ATIC: variants seen among roughly 807,000 people sequenced by gnomAD.
The protein encoded by ATIC is bifunctional purine biosynthesis protein ATIC.
In ATIC, 64 loss-of-function variants were observed where a neutral mutation model predicts 72.5. That is an observed-to-expected ratio of 0.88 (90% CI 0.72 to 1.09). The LOEUF (loss-of-function observed/expected upper bound fraction) is 1.09. Among genes scored for constraint, ATIC ranks in the 50% least tolerant of loss-of-function variants. The pLI is 0.00. For missense variants in ATIC, 787 were observed against 732.4 expected, an observed-to-expected ratio of 1.07 and a Z score of -0.86; for synonymous variants, 281 against 267.1, an observed-to-expected ratio of 1.05 and a Z score of -0.51.
chr2:215,333,518 T>G, intron 9 of ATIC, 61 bp downstream of exon 9: 1 of 1,373,980 alleles, frequency 7.3e-7, no homozygotes, highest in Non-Finnish European at 1.0e-6. Flanking sequence ...TTATCCTAAA[T>G]AGAATAAAGA....
chr2:215,343,034 G>T (rs1024746690), intron 12 of ATIC, among the ~76,000 whole-genome samples: 2 of 152,176 alleles, frequency 1.3e-5, no homozygotes, highest in African/African-American at 4.8e-5. Flanking sequence ...GTAGTTGCAT[G>T]TTTAGTTTAC....
intron 5 of ATIC, among the ~76,000 whole-genome samples, chr2:215,325,750 G>C (rs1257160018): frequency 6.6e-6 from 1 of 151,878 alleles, no homozygotes; most frequent in African/African-American, 2.4e-5. Context: ...ATTTTTTATA[G>C]AGATGGAATT....
chr2:215,349,026 T>C, intron 14 of ATIC, 68 bp from the exon 15 acceptor site: 1 of 1,524,610 alleles, frequency 6.6e-7, no homozygotes, highest in East Asian at 2.3e-5. Flanking sequence ...TCTGGCATGG[T>C]GATTTGCACC....
intron 2 of ATIC, among the ~76,000 whole-genome samples, chr2:215,315,836 T>A (rs11903294): frequency 0.26 from 39,270 of 150,846 alleles, 6,012 homozygotes; most frequent in South Asian, 0.47. Flanking sequence ...GCACCTGTAA[T>A]CCCAGCTACT....
chr2:215,333,369 A>G lies in ATIC; in HGVS notation c.834A>G (p.Pro278=), dbSNP rs2052916574. 1 of 1,614,060 alleles carries G rather than the reference A, an allele frequency of 6.2e-7. No individual in the cohort carries two copies. The highest frequency in any genetic ancestry group is 1.3e-5 in the African/African-American group (1 of 74,998). Residue 278 remains proline, a synonymous_variant, in exon 9 of 16, where the codon CCA becomes CCG. Coordinates refer to ENST00000236959, the MANE Select transcript of ATIC (RefSeq NM_004044.7). ...VSPAGAAVGI[P]LSEDEAKVCM... is the part of the protein sequence containing the mutation. Reference sequence around the variant, plus strand: ...AACCAGGTGCTGCTGTTGGAATTCCACTCAGTGAAGATGAGGCCAAAGTCT... The same window carrying G: ...AACCAGGTGCTGCTGTTGGAATTCCGCTCAGTGAAGATGAGGCCAAAGTCT...
At chr2:215,343,482 A>G (rs963092041) in intron 12 of ATIC, among the ~76,000 whole-genome samples, 7 of 152,024 alleles carry the variant, frequency 4.6e-5, no homozygotes, top group Non-Finnish European at 8.8e-5. Flanking sequence ...GATTACAGGA[A>G]TGCGCCACCA....
At chr2:215,328,664 T>C (rs80349241) in intron 7 of ATIC, among the ~76,000 whole-genome samples, 2,232 of 152,076 alleles carry the variant, frequency 0.015, 50 homozygotes, top group African/African-American at 0.05. Context: ...TTTTGCTGCA[T>C]GTGTTTCTAT....
the ATIC span, among the ~76,000 whole-genome samples, chr2:215,355,022 G>A: frequency 6.6e-6 from 1 of 152,046 alleles, no homozygotes; most frequent in African/African-American, 2.4e-5. Context: ...GTTTAGGGCT[G>A]TCAACAGCTC....
In ATIC at chr2:215,346,956, A is replaced by G; in HGVS notation, c.1503+15A>G. ...CCATTGGCGAGGTGAAAGACTTGGC[A>G]TTGGGTTCTCGGCTGTGTTAATATT... On this transcript the variant is annotated intron_variant, in intron 14 of 15. Transcript: ENST00000236959. The G allele has an allele frequency of 6.2e-7, 1 of 1,614,066 alleles. No homozygotes were observed. Among genetic ancestry groups the G allele is most frequent in the Non-Finnish European group, 8.5e-7 (1 of 1,179,906 alleles).
the ATIC span, chr2:215,362,124 T>C: frequency 1.4e-6 from 2 of 1,411,528 alleles, no homozygotes; most frequent in African/African-American, 1.4e-5. Flanking sequence ...TATGATAACC[T>C]GAGGACATCG....
chr2:215,332,210 C>T (rs1000458425), intron 7 of ATIC, among the ~76,000 whole-genome samples, 172 bp from the exon 8 acceptor site: 1 of 151,012 alleles, frequency 6.6e-6, no homozygotes, highest in Non-Finnish European at 1.5e-5. Context: ...AAGATGGGCT[C>T]AGGCTCAGTT....
intron 6 of ATIC, among the ~76,000 whole-genome samples, chr2:215,326,609 C>CA (rs879810774): frequency 0.014 from 1,323 of 92,870 alleles, 12 homozygotes; most frequent in African/African-American, 0.04. Flanking sequence ...GACTTTGTCT[C>CA]AAAAAAAAAA....
chr2:215,334,754 C>G (rs2052936868), intron 9 of ATIC, among the ~76,000 whole-genome samples, 165 bp from the exon 10 acceptor site: 3 of 152,136 alleles, frequency 2.0e-5, no homozygotes, highest in Admixed American at 2.0e-4. Context: ...AGAATACTTT[C>G]TTACTGGTTA....
chr2:215,364,187 A>G, the ATIC span, among the ~76,000 whole-genome samples: 1 of 152,218 alleles, frequency 6.6e-6, no homozygotes, highest in Non-Finnish European at 1.5e-5. Flanking sequence ...GAGCCAAGCC[A>G]TTTCTCATTT....
intron 6 of ATIC, 107 bp downstream of exon 6, chr2:215,326,245 G>T: frequency 7.5e-7 from 1 of 1,330,176 alleles, no homozygotes; most frequent in Non-Finnish European, 1.1e-6. Flanking sequence ...CCAAAGCTTT[G>T]CTTGGAGCTG....
At chr2:215,341,843 T>A (rs1424592935) in intron 12 of ATIC, among the ~76,000 whole-genome samples, 1 of 152,186 alleles carries the variant, frequency 6.6e-6, no homozygotes, top group African/African-American at 2.4e-5. Flanking sequence ...ATCACGCTGC[T>A]ATGAAGAAAT....
At chr2:215,361,643 A>AG in the ATIC span, 9 of 1,596,166 alleles carry the variant, frequency 5.6e-6, no homozygotes, top group Non-Finnish European at 7.7e-6. Context: ...AAAAGGAAGA[A>AG]GGAAAAAAAA....
At chr2:215,365,007 A>T in the ATIC span, 1 of 1,446,074 alleles carries the variant, frequency 6.9e-7, no homozygotes, top group Non-Finnish European at 9.5e-7. Flanking sequence ...CACAAGACAG[A>T]TGCACGCATA....
At chr2:215,320,627 T>A (rs189398331) in intron 4 of ATIC, among the ~76,000 whole-genome samples, 1 of 152,322 alleles carries the variant, frequency 6.6e-6, no homozygotes, top group African/African-American at 2.4e-5. Context: ...TTGCTCAGGT[T>A]GGAGTTCAGT....
Sources: gnomAD v4.1 joint callset for allele counts (sites outside exome capture counted in the v4.1 genomes callset) on GRCh38, gnomAD v4.1.1 for gene constraint, MANE v1.5 for transcripts, NCBI Gene and HGNC (gene_info 2026-07-23, HGNC 2026-07-21) for gene names.